ZMAT4: variants seen among roughly 807,000 people sequenced by gnomAD.
ZMAT4 encodes zinc finger matrin-type protein 4.
ZMAT4 carries 17 observed loss-of-function variants against 28.7 expected under a neutral mutation model. That is an observed-to-expected ratio of 0.59 (90% CI 0.41 to 0.89). The LOEUF is 0.89. ZMAT4 is among the 40% of genes least tolerant of loss of function. The pLI is 0.00. For missense variants in ZMAT4, 240 were observed against 283.8 expected, an observed-to-expected ratio of 0.85 and a Z score of 1.11; for synonymous variants, 117 against 109.2, an observed-to-expected ratio of 1.07 and a Z score of -0.44.
intron 5 of ZMAT4, among the ~76,000 whole-genome samples, chr8:40,602,313 C>T (rs1247089331): frequency 6.6e-6 from 1 of 152,140 alleles, no homozygotes; most frequent in Non-Finnish European, 1.5e-5. Context: ...GTGAATTGTG[C>T]TACTATAAAC....
intron 5 of ZMAT4, among the ~76,000 whole-genome samples, chr8:40,639,684 G>A (rs1349229305): frequency 1.3e-5 from 2 of 148,870 alleles, no homozygotes; most frequent in Non-Finnish European, 3.0e-5. Flanking sequence ...CAGAGAACCT[G>A]TATCTGAGTT....
intron 6 of ZMAT4, among the ~76,000 whole-genome samples, chr8:40,533,578 C>G (rs897045614): frequency 9.2e-5 from 14 of 152,136 alleles, no homozygotes; most frequent in Non-Finnish European, 1.5e-4. Context: ...TATCACTCAC[C>G]TAGAAACACA....
intron 1 of ZMAT4, among the ~76,000 whole-genome samples, chr8:40,854,614 T>C (rs1340035391): frequency 1.3e-5 from 2 of 152,178 alleles, no homozygotes; most frequent in East Asian, 1.9e-4. Context: ...GGGTTTCTTC[T>C]TCCACCTCAC....
chr8:40,617,574 A>ATT (rs1351133798), intron 5 of ZMAT4, among the ~76,000 whole-genome samples: 2 of 152,268 alleles, frequency 1.3e-5, no homozygotes, highest in African/African-American at 4.8e-5. Context: ...TAAAATATAT[A>ATT]TAAAGCTAAA....
At chr8:40,572,308 T>C (rs1804124325) in intron 6 of ZMAT4, among the ~76,000 whole-genome samples, 1 of 152,184 alleles carries the variant, frequency 6.6e-6, no homozygotes, top group Non-Finnish European at 1.5e-5. Flanking sequence ...TACGAGGCTT[T>C]TGTCATGAGG....
intron 4 of ZMAT4, among the ~76,000 whole-genome samples, chr8:40,682,038 CTA>C (rs1043440889): frequency 2.0e-5 from 3 of 151,956 alleles, no homozygotes; most frequent in African/African-American, 7.3e-5. Context: ...ACTACTATTA[CTA>C]TATATATGTA....
At chr8:40,853,168 C>CTT (rs1173895167) in intron 1 of ZMAT4, among the ~76,000 whole-genome samples, 1 of 152,146 alleles carries the variant, frequency 6.6e-6, no homozygotes, top group Non-Finnish European at 1.5e-5. Context: ...AATCTTTGTA[C>CTT]TTTGGTAGGA....
intron 1 of ZMAT4, among the ~76,000 whole-genome samples, chr8:40,831,629 A>G (rs1230046381): frequency 6.6e-6 from 1 of 152,200 alleles, no homozygotes; most frequent in Non-Finnish European, 1.5e-5. Context: ...TCTCTAGAAG[A>G]TCTAATAACC....
chr8:40,542,502 C>T (rs1585661926), intron 6 of ZMAT4, among the ~76,000 whole-genome samples: 1 of 152,048 alleles, frequency 6.6e-6, no homozygotes, highest in Admixed American at 6.6e-5. Context: ...GATCCTCCCA[C>T]CTCAGGCTCT....
intron 5 of ZMAT4, among the ~76,000 whole-genome samples, chr8:40,590,294 AG>A (rs377244098): frequency 1.1e-3 from 163 of 151,802 alleles, no homozygotes; most frequent in Middle Eastern, 6.8e-3. Flanking sequence ...AGCCTCCCAA[AG>A]TGCTGGGATT....
chr8:40,710,130 G>C (rs1478016042), intron 3 of ZMAT4, among the ~76,000 whole-genome samples: 1 of 151,886 alleles, frequency 6.6e-6, no homozygotes, highest in Non-Finnish European at 1.5e-5. Context: ...TAGAACCAAT[G>C]GGGATAAAGT....
At chr8:40,841,227 A>C (rs988975474) in intron 1 of ZMAT4, among the ~76,000 whole-genome samples, 1 of 151,906 alleles carries the variant, frequency 6.6e-6, no homozygotes, top group Non-Finnish European at 1.5e-5. Flanking sequence ...TGGCGGTTGC[A>C]CTCTCCCCAG....
intron 1 of ZMAT4, among the ~76,000 whole-genome samples, chr8:40,886,053 C>G (rs1563266571): frequency 6.6e-6 from 1 of 152,160 alleles, no homozygotes; most frequent in Non-Finnish European, 1.5e-5. Context: ...ATTCTGAGCA[C>G]TGAATAAAAG....
At chr8:40,668,879 G>GTTT (rs36023323) in intron 5 of ZMAT4, among the ~76,000 whole-genome samples, 4 of 146,770 alleles carry the variant, frequency 2.7e-5, no homozygotes, top group East Asian at 2.0e-4. Context: ...CTTTTAAAGT[G>GTTT]TTTTTTTTTT....
chr8:40,888,170 T>C (rs116756582), intron 1 of ZMAT4, among the ~76,000 whole-genome samples: 4,768 of 152,068 alleles, frequency 0.031, 215 homozygotes, highest in African/African-American at 0.097. Flanking sequence ...CCGAACAGAG[T>C]GCTACTCCAC....
rs1196171026 is a variant in ZMAT4, at chr8:40,697,553, CT to C, written c.193-153del. The stretch of plus-strand genomic sequence containing the variant: ...TTTTTGCCTTGCTTTCTACTCTCTT[CT>C]TTTTTAAAAAATTTTTTTATTATAC... On this transcript the variant is annotated intron_variant, in intron 3 of 6. Transcript: ENST00000297737. 1.2e-4 allele frequency: 103 copies of C among 883,844 alleles called. No homozygotes were observed. The African/African-American group carries it at 1.4e-3, about 12-fold the overall frequency. The allele number at this position is 883,844 out of a possible 1,614,324, so 54.8% of individuals were successfully genotyped here.
intron 4 of ZMAT4, among the ~76,000 whole-genome samples, chr8:40,689,730 C>T (rs189158040): frequency 2.6e-5 from 4 of 151,616 alleles, no homozygotes; most frequent in East Asian, 2.0e-4. Flanking sequence ...ATGTGTTTTG[C>T]GTATGGATTT....
intron 3 of ZMAT4, among the ~76,000 whole-genome samples, chr8:40,716,234 AG>A (rs1377163363): frequency 1.4e-5 from 2 of 139,100 alleles, no homozygotes; most frequent in African/African-American, 5.6e-5. Flanking sequence ...GTCACCTGAG[AG>A]CTTGCTGGAC....
intron 1 of ZMAT4, among the ~76,000 whole-genome samples, chr8:40,874,775 C>T (rs1817982598): frequency 1.3e-5 from 2 of 152,196 alleles, no homozygotes; most frequent in African/African-American, 4.8e-5. Context: ...TGGCCCAAGC[C>T]CTTTCCTAAT....
Sources: gnomAD v4.1 joint callset for allele counts (sites outside exome capture counted in the v4.1 genomes callset) on GRCh38, gnomAD v4.1.1 for gene constraint, MANE v1.5 for transcripts, NCBI Gene and HGNC (gene_info 2026-07-23, HGNC 2026-07-21) for gene names.